The following LMNTD1 variants were observed in gnomAD, a reference collection of about 807,000 sequenced individuals.
The protein encoded by LMNTD1 is lamin tail domain containing 1.
Under a neutral mutation model 50.9 loss-of-function variants are expected in LMNTD1, and 35 were observed. That is an observed-to-expected ratio of 0.69 (90% confidence interval 0.53 to 0.91). The LOEUF (loss-of-function observed/expected upper bound fraction) is 0.91, where lower values mean the gene tolerates loss of function less well. Ranked by LOEUF, LMNTD1 falls within the 40% of genes least tolerant of loss-of-function variation. The pLI is 0.00. For missense variants in LMNTD1, 470 were observed against 475.5 expected, an observed-to-expected ratio of 0.99 and a Z score of 0.11; for synonymous variants, 153 against 161.9, an observed-to-expected ratio of 0.94 and a Z score of 0.42.
chr12:25,619,962 G>A (rs1946437497), intron 1 of LMNTD1, among the ~76,000 whole-genome samples: 1 of 152,130 alleles, frequency 6.6e-6, no homozygotes, highest in South Asian at 2.1e-4. Context: ...GCCCTTCAAG[G>A]GAATCCTTTG....
At chr12:25,572,629 A>C (rs1428850360) in intron 1 of LMNTD1, among the ~76,000 whole-genome samples, 1 of 152,196 alleles carries the variant, frequency 6.6e-6, no homozygotes, top group Non-Finnish European at 1.5e-5. Context: ...GAATATTAAC[A>C]AAAATACCAT....
intron 3 of LMNTD1, among the ~76,000 whole-genome samples, chr12:25,547,618 C>T (rs1943510856): frequency 6.6e-6 from 1 of 151,450 alleles, no homozygotes; most frequent in Non-Finnish European, 1.5e-5. Flanking sequence ...AAGCAGATTC[C>T]TCAAAGTATT....
intron 1 of LMNTD1, among the ~76,000 whole-genome samples, chr12:25,641,715 T>C (rs1366843340): frequency 6.6e-6 from 1 of 152,130 alleles, no homozygotes; most frequent in African/African-American, 2.4e-5. Flanking sequence ...AACTTTGTAG[T>C]AAATAATAAA....
At chr12:25,637,801 T>G (rs1946867324) in intron 1 of LMNTD1, among the ~76,000 whole-genome samples, 1 of 151,960 alleles carries the variant, frequency 6.6e-6, no homozygotes, top group Middle Eastern at 3.4e-3. Flanking sequence ...AAAAAAGATA[T>G]ACAAATAGCC....
At chr12:25,484,139 C>T (rs1259140304) in intron 9 of LMNTD1, among the ~76,000 whole-genome samples, 3 of 151,896 alleles carry the variant, frequency 2.0e-5, no homozygotes, top group African/African-American at 7.3e-5. Flanking sequence ...AGAAAATATA[C>T]TTTATCCAAT....
intron 9 of LMNTD1, among the ~76,000 whole-genome samples, chr12:25,478,680 G>A (rs1296842234): frequency 2.0e-5 from 3 of 152,132 alleles, no homozygotes; most frequent in Admixed American, 6.5e-5. Context: ...CAGCTACTTG[G>A]GAGGCTGAGG....
intron 9 of LMNTD1, among the ~76,000 whole-genome samples, chr12:25,482,908 G>C (rs1294889422): frequency 1.3e-5 from 2 of 151,956 alleles, no homozygotes; most frequent in African/African-American, 4.9e-5. Flanking sequence ...GTGCACTTTG[G>C]AGCGTGTGTT....
chr12:25,619,252 C>CTATATATATATA (rs71450756), intron 1 of LMNTD1, among the ~76,000 whole-genome samples: 27 of 84,406 alleles, frequency 3.2e-4, no homozygotes, highest in South Asian at 1.2e-3. Context: ...CTCTCTCTCT[C>CTATATATATATA]TATATATATA....
rs949321349 is a variant in LMNTD1 at position 25,519,455 on chromosome 12, G to A, written c.1016+403C>T. ...CAAAAAAAATTAGCCGGGCGTGGTG[G>A]TGGGCGCCTGTAGTCCCAGCTACTC... On this transcript the variant is annotated intron_variant, in intron 7 of 9. Transcript: ENST00000458174. 2.3e-4 allele frequency among the ~76,000 whole-genome samples: 35 copies of A among 151,846 alleles called. 1 individual carries two copies. The South Asian group carries it at 4.0e-3, about 17-fold the overall frequency.
At chr12:25,553,539 T>C (rs1176804282), upstream of LMNTD1, among the ~76,000 whole-genome samples, 1 of 151,752 alleles carries the variant, frequency 6.6e-6, no homozygotes, top group African/African-American at 2.4e-5. Context: ...ATCACAACTC[T>C]TTTCTTCTTT....
intron 9 of LMNTD1, among the ~76,000 whole-genome samples, chr12:25,480,762 C>A (rs903863182): frequency 2.0e-5 from 3 of 152,154 alleles, no homozygotes; most frequent in Non-Finnish European, 4.4e-5. Flanking sequence ...ATGCATATGT[C>A]TTTATAGTCC....
Position 25,528,180 on chromosome 12 carries a change from T to C in LMNTD1, c.492-1225A>G, listed in dbSNP as rs529811109. ...TCATTAAAATACTTCTACATGTTTC[T>C]TATTGAAGGTCACACTAAAAAAATG... On this transcript the variant is annotated intron_variant, in intron 4 of 9. Coordinates refer to ENST00000458174, the MANE Select transcript of LMNTD1 (RefSeq NM_001145728.2). Among the ~76,000 whole-genome samples, 380 of 152,284 alleles carry C rather than the reference T, an allele frequency of 2.5e-3. 4 individuals carry two copies. The highest frequency in any genetic ancestry group is 2.5e-3 in the Non-Finnish European group (172 of 68,014).
chr12:25,558,091 CAATT>C (rs1468233150), upstream of LMNTD1, among the ~76,000 whole-genome samples: 3 of 152,156 alleles, frequency 2.0e-5, no homozygotes, highest in Non-Finnish European at 4.4e-5. Context: ...GAGGAGCACT[CAATT>C]AAAGGAGTAA....
chr12:25,591,979 CAG>C lies in LMNTD1; in HGVS notation c.59-45427_59-45426del, dbSNP rs778822489. On this transcript the variant is annotated intron_variant, in intron 1 of 7. Coordinates refer to the LMNTD1 transcript ENST00000445693. ...TACCTCTATGAGTCTGCAAGAACCA[CAG>C]AGTTATTGGGTTTGTGGTGCCTTCT... 5.3e-4 allele frequency among the ~76,000 whole-genome samples: 80 copies of C among 152,292 alleles called. 1 individual carries two copies. Among genetic ancestry groups the C allele is most frequent in the Admixed American group, 2.2e-3 (34 of 15,304 alleles).
chr12:25,544,514 C>A (rs1340281317), intron 4 of LMNTD1, among the ~76,000 whole-genome samples: 1 of 151,738 alleles, frequency 6.6e-6, no homozygotes, highest in Non-Finnish European at 1.5e-5. Context: ...TATCCCTAAG[C>A]CACTCTATGC....
upstream of LMNTD1, among the ~76,000 whole-genome samples, chr12:25,556,561 A>G (rs1944050999): frequency 6.6e-6 from 1 of 152,116 alleles, no homozygotes; most frequent in Non-Finnish European, 1.5e-5. Flanking sequence ...TCTGGTCTCA[A>G]ATCATCTCAA....
At chr12:25,527,325 CTTTAT>C (rs990041888) in intron 4 of LMNTD1, among the ~76,000 whole-genome samples, 219 of 110,802 alleles carry the variant, frequency 2.0e-3, no homozygotes, top group African/African-American at 7.7e-3. Context: ...AAATCATTTA[CTTTAT>C]TTCTGATAAA....
intron 1 of LMNTD1, among the ~76,000 whole-genome samples, chr12:25,572,465 T>C (rs1944835203): frequency 6.6e-6 from 1 of 152,158 alleles, no homozygotes; most frequent in Non-Finnish European, 1.5e-5. Flanking sequence ...GAAACCTATG[T>C]GTGTACAGAA....
chr12:25,560,991 G>T (rs140826991), intron 1 of LMNTD1, among the ~76,000 whole-genome samples: 1 of 152,176 alleles, frequency 6.6e-6, no homozygotes, highest in Admixed American at 6.5e-5. Flanking sequence ...GGGACAATTT[G>T]ACTTTCTCTT....
Sources: allele counts gnomAD v4.1 joint callset (sites outside exome capture counted in the v4.1 genomes callset), GRCh38; gene constraint gnomAD v4.1.1; transcripts MANE v1.5; gene names NCBI Gene and HGNC (gene_info 2026-07-23, HGNC 2026-07-21).